The following ZMIZ1 variants were observed in gnomAD, a reference collection of about 807,000 sequenced individuals.
ZMIZ1 encodes the protein zinc finger MIZ domain-containing protein 1.
A neutral mutation model predicts 113.9 loss-of-function variants in ZMIZ1; 17 were observed. The ratio of observed to expected loss-of-function variants is 0.15; its 90% CI spans 0.10 to 0.22. The LOEUF (loss-of-function observed/expected upper bound fraction) is 0.22. ZMIZ1 is among the 10% of genes least tolerant of loss of function. The pLI, the probability that ZMIZ1 is intolerant of heterozygous loss-of-function variation, is 1.00. For missense variants in ZMIZ1, 1,059 were observed against 1,477.8 expected, an observed-to-expected ratio of 0.72 and a Z score of 4.65; for synonymous variants, 607 against 603.1, an observed-to-expected ratio of 1.01 and a Z score of -0.09.
chr10:79,142,244 A>G (rs1845302510), intron 3 of ZMIZ1, among the ~76,000 whole-genome samples: 1 of 152,208 alleles, frequency 6.6e-6, no homozygotes, highest in Non-Finnish European at 1.5e-5. Flanking sequence ...GCAGCTGGAA[A>G]TATGAGTCGG....
At chr10:79,119,177 G>A (rs1213423674) in intron 2 of ZMIZ1, among the ~76,000 whole-genome samples, 153 bp downstream of exon 2, 1 of 152,156 alleles carries the variant, frequency 6.6e-6, no homozygotes, top group African/African-American at 2.4e-5. Context: ...TTTGTTCCTT[G>A]GCCTTTTCCT....
At position 79,312,857 on chromosome 10, in the gene ZMIZ1, CA is replaced by C; in HGVS notation, c.*109del. The C allele has an allele frequency of 9.4e-7, 1 of 1,063,142 alleles. No individual in the cohort carries two copies. Among genetic ancestry groups the C allele is most frequent in the Non-Finnish European group, 1.4e-6 (1 of 722,640 alleles). 65.9% of individuals were successfully genotyped at this position (1,063,142 alleles called of 1,614,324 possible). A position where few individuals can be genotyped will look rare whatever the true frequency, so the allele number is the denominator to read the frequency against. On this transcript the variant is annotated 3_prime_UTR_variant, in exon 25 of 25. Transcript: ENST00000334512. Reference sequence around the variant, plus strand: ...CCCTCAGACCGCCCCGCACCAGAGCCACGGGCTGTGGGGCGGGGAGCCCTCC... The same window carrying C: ...CCCTCAGACCGCCCCGCACCAGAGCCCGGGCTGTGGGGCGGGGAGCCCTCC...
intron 17 of ZMIZ1, among the ~76,000 whole-genome samples, chr10:79,301,449 A>T (rs1854295565): frequency 6.6e-6 from 1 of 151,876 alleles, no homozygotes; most frequent in Non-Finnish European, 1.5e-5. Context: ...GTTACCTAGG[A>T]CCAGCTCTCA....
At chr10:79,165,403 C>T (rs1032508102) in intron 4 of ZMIZ1, among the ~76,000 whole-genome samples, 2 of 152,160 alleles carry the variant, frequency 1.3e-5, no homozygotes, top group Admixed American at 6.5e-5. Context: ...AGTAGTGGCT[C>T]TGGGAGACTC....
chr10:79,115,761 C>T (rs995974131), intron 1 of ZMIZ1, among the ~76,000 whole-genome samples: 6 of 152,202 alleles, frequency 3.9e-5, no homozygotes, highest in Non-Finnish European at 8.8e-5. Flanking sequence ...AGGCCAAGGC[C>T]CTGGCTTTAG....
chr10:79,133,958 A>G (rs1844882906), intron 2 of ZMIZ1, among the ~76,000 whole-genome samples: 2 of 152,224 alleles, frequency 1.3e-5, no homozygotes, highest in Non-Finnish European at 1.5e-5. Flanking sequence ...AACTCCTAAC[A>G]ACTTTTACAT....
intron 1 of ZMIZ1, among the ~76,000 whole-genome samples, chr10:79,076,498 A>C (rs1366779077): frequency 1.3e-5 from 2 of 152,190 alleles, no homozygotes; most frequent in Non-Finnish European, 2.9e-5. Flanking sequence ...GCCCCTGCCC[A>C]GCAGCATGTG....
In ZMIZ1 at chr10:79,075,185, G is replaced by T. The variant is rs569409588; in HGVS notation, c.-337+5915G>T. Among the ~76,000 whole-genome samples the T allele has an allele frequency of 5.3e-5, 8 of 152,208 alleles. No homozygotes were observed. The East Asian group carries it at 1.5e-3, about 29-fold the overall frequency. ...GAGGATGGGGGCTTGAGTGATGGTGGGTGTCGTGTTTTTCTGTAGAAACTG... is the reference window on the plus strand; with the variant it reads ...GAGGATGGGGGCTTGAGTGATGGTGTGTGTCGTGTTTTTCTGTAGAAACTG... On this transcript the variant is annotated intron_variant, in intron 1 of 24. Transcript: ENST00000334512.
intron 7 of ZMIZ1, among the ~76,000 whole-genome samples, chr10:79,261,478 T>G (rs1304482028): frequency 1.3e-5 from 2 of 152,204 alleles, no homozygotes; most frequent in African/African-American, 2.4e-5. Context: ...CTCCCCCAGC[T>G]GCTCTGGAAG....
At chr10:79,295,535 T>G (rs958093205) in intron 12 of ZMIZ1, 1 of 152,254 alleles carries the variant, frequency 6.6e-6, no homozygotes, top group Non-Finnish European at 1.5e-5. Context: ...CTTCTCTAGC[T>G]TGGTGGGCAG....
At chr10:79,094,967 A>AG (rs1564646980) in intron 1 of ZMIZ1, among the ~76,000 whole-genome samples, 2,723 of 150,314 alleles carry the variant, frequency 0.018, 31 homozygotes, top group Non-Finnish European at 0.028. Flanking sequence ...AAAAAAAAAA[A>AG]AAGAGAGAGA....
At chr10:79,307,611 TTG>T (rs1297157635) in intron 23 of ZMIZ1, 40 bp downstream of exon 23, 4 of 1,589,550 alleles carry the variant, frequency 2.5e-6, no homozygotes, top group Non-Finnish European at 3.4e-6. Flanking sequence ...TCCCCAGCCT[TTG>T]GGGTTGATGC....
At chr10:79,271,981 C>T (rs993088260) in intron 7 of ZMIZ1, among the ~76,000 whole-genome samples, 3 of 152,176 alleles carry the variant, frequency 2.0e-5, no homozygotes, top group East Asian at 1.9e-4. Context: ...TTCGATAGCA[C>T]AGTAAGGCTG....
chr10:79,128,140 G>T (rs1372314364), intron 2 of ZMIZ1, among the ~76,000 whole-genome samples: 1 of 152,094 alleles, frequency 6.6e-6, no homozygotes, highest in Non-Finnish European at 1.5e-5. Flanking sequence ...TCTGCCTCAG[G>T]TCTCCCTCCC....
chr10:79,285,557 C>T (rs1440835801), intron 8 of ZMIZ1: 1 of 456,014 alleles, frequency 2.2e-6, no homozygotes, highest in Non-Finnish European at 4.4e-6. Context: ...CACAGACACA[C>T]TGTGTAGGTG....
chr10:79,269,115 C>G (rs1310338020), intron 7 of ZMIZ1, among the ~76,000 whole-genome samples: 1 of 152,048 alleles, frequency 6.6e-6, no homozygotes, highest in East Asian at 1.9e-4. Flanking sequence ...GGGCCTGGCT[C>G]TCCTGCCCCT....
intron 7 of ZMIZ1, among the ~76,000 whole-genome samples, chr10:79,267,278 G>A (rs977917922): frequency 6.6e-6 from 1 of 152,246 alleles, no homozygotes; most frequent in Admixed American, 6.5e-5. Context: ...AAGGGGTGGT[G>A]TGAGGCTGGG....
At chr10:79,307,696 G>A in intron 23 of ZMIZ1, 125 bp downstream of exon 23, 1 of 1,100,730 alleles carries the variant, frequency 9.1e-7, no homozygotes, top group Non-Finnish European at 1.3e-6. Flanking sequence ...GGCTCAGAAT[G>A]GAATAGGAGG....
chr10:79,159,890 G>A (rs1485326071), intron 3 of ZMIZ1, among the ~76,000 whole-genome samples: 3 of 152,028 alleles, frequency 2.0e-5, no homozygotes, highest in African/African-American at 7.2e-5. Context: ...GGTGGCTGGG[G>A]CAGTGAGGTA....
Sources: gnomAD v4.1 joint callset for allele counts (sites outside exome capture counted in the v4.1 genomes callset) on GRCh38, gnomAD v4.1.1 for gene constraint, MANE v1.5 for transcripts, NCBI Gene and HGNC (gene_info 2026-07-23, HGNC 2026-07-21) for gene names.